Variants in ALS2 observed in about 807,000 individuals in gnomAD.
The protein encoded by ALS2 is alsin.
In ALS2, 117 loss-of-function variants were observed where a neutral mutation model predicts 203.4. The observed-to-expected ratio is 0.58, with a 90% confidence interval of 0.50 to 0.67. The LOEUF (loss-of-function observed/expected upper bound fraction) is 0.67, where lower values mean the gene tolerates loss of function less well. ALS2 is among the 30% of genes least tolerant of loss of function. The pLI, the probability that ALS2 is intolerant of heterozygous loss-of-function variation, is 0.00. For missense variants in ALS2, 1,715 were observed against 1,989.4 expected (o/e 0.86, Z 2.62); for synonymous variants, 718 against 725.9 (o/e 0.99, Z 0.17).
rs548703758 is a variant in ALS2 at position 201,777,738 on chromosome 2, T to C, written c.-61+3139A>G. Reference sequence around the variant, plus strand: ...TACTTTTATGTACTTTCATTAGATATACACATATCAATAAATAATGCATGC... The same window carrying C: ...TACTTTTATGTACTTTCATTAGATACACACATATCAATAAATAATGCATGC... On this transcript the variant is annotated intron_variant, in intron 1 of 33. Coordinates refer to ENST00000264276, the MANE Select transcript of ALS2 (RefSeq NM_020919.4). Among the ~76,000 whole-genome samples, 4 of 152,320 alleles carry C rather than the reference T, an allele frequency of 2.6e-5. No individual in the cohort carries two copies. The South Asian group carries it at 8.3e-4, about 32-fold the overall frequency.
intron 8 of ALS2, among the ~76,000 whole-genome samples, chr2:201,747,082 G>A (rs1692710670): frequency 6.6e-6 from 1 of 152,184 alleles, no homozygotes; most frequent in Non-Finnish European, 1.5e-5. Flanking sequence ...AACTTCCAGA[G>A]CCCTACTCTT....
Position 201,700,678 on chromosome 2 carries a change from T to C in ALS2, c.*1173A>G, listed in dbSNP as rs1431129091. On this transcript the variant is annotated 3_prime_UTR_variant, in exon 34 of 34. Transcript: ENST00000264276. ...AAAAACCATGATCCTTTTTCAAAAG[T>C]AATTAACATCTTCTCAGTCACTTAA... The C allele has an allele frequency of 6.5e-6, 1 of 152,676 alleles. No homozygotes were observed. Among genetic ancestry groups the C allele is most frequent in the Non-Finnish European group, 1.5e-5 (1 of 68,044 alleles). 9.5% of individuals were successfully genotyped at this position (152,676 alleles called of 1,614,324 possible).
chr2:201,755,366 G>A (rs1452143926), intron 5 of ALS2, among the ~76,000 whole-genome samples: 1 of 152,052 alleles, frequency 6.6e-6, no homozygotes, highest in East Asian at 1.9e-4. Context: ...GGGTTCAAGT[G>A]ATTCTCCTGC....
At position 201,741,497 on chromosome 2, in the gene ALS2, G is replaced by C. The variant is rs553091898; in HGVS notation, c.2351+177C>G. 106 of 658,682 alleles carry C rather than the reference G, an allele frequency of 1.6e-4. No individual in the cohort carries two copies. In the East Asian group the frequency reaches 2.9e-3, roughly 18 times the overall value. The allele number at this position is 658,682 out of a possible 1,614,324, so 40.8% of individuals were successfully genotyped here. ...TTATTTTTAAATTTTTTTTCATTTA[G>C]AGAAGACTAAATTTTAGCAATCCAG... On this transcript the variant is annotated intron_variant, in intron 11 of 33. Coordinates refer to ENST00000264276, the MANE Select transcript of ALS2 (RefSeq NM_020919.4).
chr2:201,732,033 A>G (rs12473742), intron 13 of ALS2, among the ~76,000 whole-genome samples: 7,652 of 152,258 alleles, frequency 0.05, 212 homozygotes, highest in Middle Eastern at 0.085. Context: ...AAATTTTTTT[A>G]TTAATTGAGG....
chr2:201,726,974 C>A, intron 17 of ALS2, 108 bp from the exon 18 acceptor site: 1 of 1,048,122 alleles, frequency 9.5e-7, no homozygotes, highest in African/African-American at 1.6e-5. Flanking sequence ...TGTCCTAATG[C>A]TTTTCTTATT....
intron 1 of ALS2, among the ~76,000 whole-genome samples, chr2:201,769,696 C>T (rs767836776): frequency 2.6e-5 from 4 of 152,170 alleles, no homozygotes; most frequent in Non-Finnish European, 5.9e-5. Context: ...TGCATTTCAA[C>T]TCAGAAATCC....
chr2:201,721,854 G>C (rs970561082), intron 23 of ALS2: 6 of 151,972 alleles, frequency 3.9e-5, no homozygotes, highest in African/African-American at 1.5e-4. Flanking sequence ...TAGTAGAGAT[G>C]GGGTTTCACC....
intron 23 of ALS2, chr2:201,722,379 A>T (rs1690860951): frequency 1.3e-5 from 2 of 152,264 alleles, no homozygotes; most frequent in South Asian, 2.1e-4. Flanking sequence ...GACATTGCTG[A>T]TGGGAATGTA....
Position 201,723,078 on chromosome 2 carries a change from C to A in ALS2, c.3667G>T (p.Gly1223Ter). 2 of 1,613,572 alleles carry A rather than the reference C, an allele frequency of 1.2e-6. No individual in the cohort carries two copies. Among genetic ancestry groups the A allele is most frequent in the Non-Finnish European group, 1.7e-6 (2 of 1,179,694 alleles). The change falls in exon 23 of 34, where the codon GGA (glycine) becomes TGA (stop). Residue 1223 changes from glycine to a stop codon, truncating the protein, a stop_gained. Transcript: ENST00000264276. LOFTEE classifies it high-confidence loss of function. ...LLSEDDTIYE[G>*]EFSDDWTLSG... ...AGAGTCCAGTCATCTGAAAATTCTC[C>A]TTCATAGATAGTATCATCTTCGGAA... is the stretch of plus-strand genomic sequence containing the variant.
chr2:201,744,938 G>T (rs1277226349), intron 9 of ALS2, among the ~76,000 whole-genome samples: 2 of 152,134 alleles, frequency 1.3e-5, no homozygotes, highest in Non-Finnish European at 2.9e-5. Flanking sequence ...AATGAAAAGA[G>T]ATTTTCTTAA....
intron 4 of ALS2, among the ~76,000 whole-genome samples, chr2:201,758,207 G>A (rs1455190641): frequency 6.6e-6 from 1 of 151,594 alleles, no homozygotes; most frequent in African/African-American, 2.4e-5. Context: ...GAAGTGGCAG[G>A]AAAAAAATTA....
chr2:201,757,815 C>A, intron 4 of ALS2, 56 bp from the exon 5 acceptor site: 2 of 1,352,456 alleles, frequency 1.5e-6, no homozygotes, highest in East Asian at 4.9e-5. Flanking sequence ...ATGCAACAAG[C>A]AATCAATAAA....
At chr2:201,769,003 A>T (rs1008516553) in intron 1 of ALS2, 58 bp from the exon 2 acceptor site, 7 of 157,636 alleles carry the variant, frequency 4.4e-5, no homozygotes, top group African/African-American at 2.1e-4. Context: ...CTCAGACATT[A>T]AAAAAAAAAA....
intron 33 of ALS2, 28 bp downstream of exon 33, chr2:201,704,094 G>T (rs369713956): frequency 1.9e-6 from 3 of 1,561,008 alleles, no homozygotes; most frequent in Non-Finnish European, 2.6e-6. Context: ...ATGAAGATAA[G>T]AAAGTATTAA....
At chr2:201,709,368 G>A (rs553667135) in intron 27 of ALS2, among the ~76,000 whole-genome samples, 8 of 152,184 alleles carry the variant, frequency 5.3e-5, no homozygotes, top group African/African-American at 1.9e-4. Flanking sequence ...TAGAATGTAA[G>A]CTCCATGACA....
At chr2:201,766,274 A>G (rs1483402039) in intron 3 of ALS2, among the ~76,000 whole-genome samples, 1 of 152,218 alleles carries the variant, frequency 6.6e-6, no homozygotes. Flanking sequence ...TCTAGTTAAT[A>G]GTATATTTTA....
intron 28 of ALS2, 124 bp from the exon 29 acceptor site, chr2:201,707,146 A>T (rs1373077606): frequency 4.8e-6 from 4 of 840,618 alleles, no homozygotes; most frequent in South Asian, 1.5e-5. Context: ...AGAAGTTATA[A>T]TATTACTCTG....
intron 1 of ALS2, among the ~76,000 whole-genome samples, chr2:201,779,252 G>A (rs1248660586): frequency 6.6e-6 from 1 of 152,064 alleles, no homozygotes; most frequent in Non-Finnish European, 1.5e-5. Context: ...TGCCACTCAA[G>A]TTTTGTTTTT....
Sources: allele counts gnomAD v4.1 joint callset (sites outside exome capture counted in the v4.1 genomes callset), GRCh38; gene constraint gnomAD v4.1.1; transcripts MANE v1.5; gene names NCBI Gene and HGNC (gene_info 2026-07-23, HGNC 2026-07-21).